The following CAT variants were observed in gnomAD, a reference collection of about 807,000 sequenced individuals.
CAT encodes the protein epididymis secretory sperm binding protein.
Under a neutral mutation model 59.0 loss-of-function variants are expected in CAT, and 43 were observed. The observed-to-expected ratio is 0.73, with a 90% CI of 0.57 to 0.94. The LOEUF is 0.94. Ranked by LOEUF, CAT falls within the 40% of genes least tolerant of loss-of-function variation. CAT has a pLI of 0.00. For synonymous variants in CAT, 218 were observed against 230.9 expected (o/e 0.94, Z 0.51); for missense variants, 664 against 682.9 (o/e 0.97, Z 0.31).
chr11:34,471,142 C>T, intron 12 of CAT, 101 bp downstream of exon 12: 3 of 1,037,120 alleles, frequency 2.9e-6, no homozygotes, highest in South Asian at 1.3e-5. Context: ...GGGGCCATTA[C>T]CTGCCACTGT....
intron 4 of CAT, 35 bp from the exon 5 acceptor site, chr11:34,453,055 G>T: frequency 7.5e-7 from 1 of 1,326,166 alleles, no homozygotes; most frequent in Non-Finnish European, 1.1e-6. Flanking sequence ...TGTAAACTTA[G>T]TTTTTGGATT....
At position 34,470,782 on chromosome 11, in the gene CAT, G is replaced by A. The variant is rs939014357; in HGVS notation, c.1435-176G>A. 1.1e-4 allele frequency: 76 copies of A among 706,286 alleles called. No individual in the cohort carries two copies. The African/African-American group carries it at 1.2e-3, about 11-fold the overall frequency. 43.8% of individuals were successfully genotyped at this position (706,286 alleles called of 1,614,324 possible). ...TTGCTCAGCCAGTATATGTCAGAGTGTTCACTGGACCTGCATCTTAACTCT... is the reference window on the plus strand; with the variant it reads ...TTGCTCAGCCAGTATATGTCAGAGTATTCACTGGACCTGCATCTTAACTCT... On this transcript the variant is annotated intron_variant, in intron 11 of 12. Coordinates refer to ENST00000241052, the MANE Select transcript of CAT (RefSeq NM_001752.4).
chr11:34,461,817 T>G (rs1856655166), intron 9 of CAT, among the ~76,000 whole-genome samples: 1 of 152,178 alleles, frequency 6.6e-6, no homozygotes, highest in Non-Finnish European at 1.5e-5. Context: ...GTCTTCTGTT[T>G]CTCTTTGCAG....
chr11:34,457,182 AG>A (rs1261255758), intron 8 of CAT, among the ~76,000 whole-genome samples: 1 of 140,410 alleles, frequency 7.1e-6, no homozygotes, highest in African/African-American at 2.6e-5. Flanking sequence ...TACCTTGGTA[AG>A]CCTAACTTTA....
intron 1 of CAT, among the ~76,000 whole-genome samples, chr11:34,443,532 T>C (rs1326134322): frequency 6.6e-6 from 1 of 151,962 alleles, no homozygotes; most frequent in Admixed American, 6.6e-5. Context: ...TAGAATGCCA[T>C]GGGCTCTTCT....
chr11:34,460,192 T>C (rs2133856186), intron 8 of CAT, among the ~76,000 whole-genome samples: 1 of 152,324 alleles, frequency 6.6e-6, no homozygotes, highest in East Asian at 1.9e-4. Flanking sequence ...AGTTCAATAA[T>C]TAGATATTAA....
chr11:34,456,798 G>C lies in CAT; in HGVS notation c.1037G>C (p.Ser346Thr), dbSNP rs771692938. The change falls in exon 8 of 13, where the codon AGT (serine) becomes ACT (threonine). Residue 346 changes from serine (S) to threonine (T), a missense_variant. Transcript: ENST00000241052. ...AACATGCCACCTGGCATTGAGGCCA[G>C]TCCTGACAAAATGCTTCAGGTGAGC... ...PSNMPPGIEA[S>T]PDKMLQGRLF... 2.7e-5 allele frequency: 44 copies of C among 1,614,116 alleles called. 1 individual carries two copies. Among genetic ancestry groups the C allele is most frequent in the Non-Finnish European group, 3.6e-5 (43 of 1,180,052 alleles).
Position 34,471,374 on chromosome 11 carries a change from AT to A in CAT, c.1527del (p.His510ThrfsTer30). On this transcript the variant is annotated frameshift_variant, in exon 13 of 13. Coordinates refer to ENST00000241052, the MANE Select transcript of CAT (RefSeq NM_001752.4). LOFTEE classifies it high-confidence loss of function. ...TCTTGTTCTTTTAAAACAGAATGCG[AT>A]TCACACCTTTGTGCAGTCCGGATCT... ...KYNAEKPKNA[I>X]HTFVQSGSHL... The A allele has an allele frequency of 6.2e-7, 1 of 1,613,922 alleles. No homozygotes were observed. Among genetic ancestry groups the A allele is most frequent in the Non-Finnish European group, 8.5e-7 (1 of 1,179,776 alleles).
chr11:34,461,598 A>G (rs1013186935), intron 9 of CAT, among the ~76,000 whole-genome samples: 3 of 152,170 alleles, frequency 2.0e-5, no homozygotes, highest in East Asian at 1.9e-4. Context: ...TATCTATTTT[A>G]TATATTTTAT....
chr11:34,453,749 G>C (rs1762575817), intron 5 of CAT, 52 bp from the exon 6 acceptor site: 3 of 1,531,190 alleles, frequency 2.0e-6, no homozygotes, highest in Non-Finnish European at 2.7e-6. Flanking sequence ...AAAAATCAAG[G>C]ATGTTTTGAT....
rs1564966150 is a variant in CAT, at chr11:34,464,087, G to A, written c.1196-18G>A. 6.2e-7 allele frequency: 1 copy of A among 1,613,948 alleles called. No individual in the cohort carries two copies. The highest frequency in any genetic ancestry group is 2.2e-5 in the East Asian group (1 of 44,880). On this transcript the variant is annotated intron_variant, in intron 9 of 12. Coordinates refer to ENST00000241052, the MANE Select transcript of CAT (RefSeq NM_001752.4). ...CTTTTCTTATTCCTAAGTGCATCTGGGTGGTTTTGTTTTGAAGGTGGTGCT... is the reference window on the plus strand; with the variant it reads ...CTTTTCTTATTCCTAAGTGCATCTGAGTGGTTTTGTTTTGAAGGTGGTGCT...
intron 1 of CAT, 75 bp from the exon 2 acceptor site, chr11:34,449,117 T>C (rs1856491065): frequency 1.6e-6 from 2 of 1,254,888 alleles, no homozygotes; most frequent in Non-Finnish European, 2.3e-6. Context: ...ATTGCAAAGC[T>C]ATGTACCCGT....
intron 1 of CAT, among the ~76,000 whole-genome samples, chr11:34,442,459 G>A (rs934434947): frequency 6.6e-6 from 1 of 152,118 alleles, no homozygotes; most frequent in Admixed American, 6.5e-5. Flanking sequence ...AAATTAGCTG[G>A]GCGTGGTGGC....
rs994930901 is a variant in CAT, at chr11:34,471,458, C to T, written c.*25C>T. The T allele has an allele frequency of 6.2e-6, 10 of 1,600,240 alleles. No individual in the cohort carries two copies. The highest frequency in any genetic ancestry group is 2.2e-5 in the East Asian group (1 of 44,816). ...AGGCCGGGGCCCTGCACCTGTGCAG[C>T]GAAGCTTAGCGTTCATCCGTGTAAC... On this transcript the variant is annotated 3_prime_UTR_variant, in exon 13 of 13. Coordinates refer to ENST00000241052, the MANE Select transcript of CAT (RefSeq NM_001752.4).
chr11:34,462,351 A>G (rs1392685197), intron 9 of CAT, among the ~76,000 whole-genome samples: 1 of 152,238 alleles, frequency 6.6e-6, no homozygotes, highest in African/African-American at 2.4e-5. Flanking sequence ...TATAGGAAAA[A>G]GAAGAAAAAA....
chr11:34,456,072 C>T lies in CAT; in HGVS notation c.773C>T (p.Pro258Leu). ...EDAARLSQEDPDYGIRDLFNA... is the reference protein window; with the variant it reads ...EDAARLSQEDLDYGIRDLFNA... ...GCGGCGAGACTTTCCCAGGAAGATC[C>T]TGACTATGGCATCCGGGATCTTTTT... The change falls in exon 7 of 13, where the codon CCT (proline) becomes CTT (leucine). Residue 258 changes from proline (P) to leucine (L), a missense_variant. Coordinates refer to ENST00000241052, the MANE Select transcript of CAT (RefSeq NM_001752.4). The T allele has an allele frequency of 6.2e-7, 1 of 1,614,130 alleles. No homozygotes were observed. Among genetic ancestry groups the T allele is most frequent in the Non-Finnish European group, 8.5e-7 (1 of 1,180,012 alleles).
chr11:34,458,236 G>T (rs1856613334), intron 8 of CAT, among the ~76,000 whole-genome samples: 1 of 152,244 alleles, frequency 6.6e-6, no homozygotes, highest in Non-Finnish European at 1.5e-5. Flanking sequence ...GGTGGGACAT[G>T]TTAGGTGTGT....
intron 2 of CAT, 120 bp from the exon 3 acceptor site, chr11:34,450,868 T>C (rs1464482470): frequency 2.6e-6 from 2 of 783,446 alleles, no homozygotes. Context: ...TCCAACATAC[T>C]GGAAGCTCCC....
chr11:34,465,620 A>C (rs984626502), intron 10 of CAT, among the ~76,000 whole-genome samples: 1 of 152,188 alleles, frequency 6.6e-6, no homozygotes, highest in Non-Finnish European at 1.5e-5. Flanking sequence ...TCTTATCACT[A>C]TATAGGATAT....
Sources: allele counts gnomAD v4.1 joint callset (sites outside exome capture counted in the v4.1 genomes callset), GRCh38; gene constraint gnomAD v4.1.1; transcripts MANE v1.5; gene names NCBI Gene and HGNC (gene_info 2026-07-23, HGNC 2026-07-21).